TEN1: variants seen among roughly 807,000 people sequenced by gnomAD.
The protein encoded by TEN1 is TEN1 subunit of CST complex.
Under a neutral mutation model 9.3 loss-of-function variants are expected in TEN1, and 6 were observed. That is an observed-to-expected ratio of 0.65 (90% CI 0.35 to 1.27). The LOEUF is 1.27. Ranked by LOEUF, TEN1 falls within the 50% of genes most tolerant of loss-of-function variation. The probability of loss-of-function intolerance (pLI) is 0.03; values close to 1 mark genes in which losing one functional copy is unlikely to be tolerated. For synonymous variants in TEN1, 65 were observed against 65.6 expected, an observed-to-expected ratio of 0.99 and a Z score of 0.04; for missense variants, 149 against 158.2, an observed-to-expected ratio of 0.94 and a Z score of 0.31.
At chr17:75,988,256 A>G (rs1002829703) in intron 2 of TEN1, among the ~76,000 whole-genome samples, 10 of 150,818 alleles carry the variant, frequency 6.6e-5, no homozygotes, top group Admixed American at 6.6e-5. Context: ...AAAAAAAAAA[A>G]GAAGTATTTT....
intron 3 of TEN1, among the ~76,000 whole-genome samples, chr17:75,996,236 A>G (rs755931884): frequency 6.6e-6 from 1 of 152,164 alleles, no homozygotes; most frequent in East Asian, 1.9e-4. Context: ...CTGTAATCCC[A>G]GCACTTTGGG....
intron 1 of TEN1, among the ~76,000 whole-genome samples, chr17:75,983,691 CATT>C (rs2066136060): frequency 6.6e-6 from 1 of 152,116 alleles, no homozygotes; most frequent in Non-Finnish European, 1.5e-5. Flanking sequence ...AGAGATTAGA[CATT>C]ATTTAAATGT....
chr17:75,979,606 C>T (rs942036146), intron 1 of TEN1, 95 bp downstream of exon 1: 12 of 228,340 alleles, frequency 5.3e-5, no homozygotes, highest in Non-Finnish European at 9.8e-5. Context: ...CTCTGTCACG[C>T]TTCCGGGTCC....
intron 3 of TEN1, among the ~76,000 whole-genome samples, chr17:75,992,222 T>TA (rs1030229387): frequency 7.5e-6 from 1 of 133,548 alleles, no homozygotes; most frequent in Non-Finnish European, 1.7e-5. Flanking sequence ...ATCTGAGTCT[T>TA]AAAAATTTTT....
intron 3 of TEN1, among the ~76,000 whole-genome samples, chr17:75,998,262 G>A (rs1419443225): frequency 1.4e-5 from 2 of 147,450 alleles, no homozygotes; most frequent in South Asian, 2.2e-4. Context: ...CCACCTCCCC[G>A]GTTCAAGTGA....
chr17:75,999,134 C>G (rs1046780525), intron 3 of TEN1, among the ~76,000 whole-genome samples: 1 of 152,004 alleles, frequency 6.6e-6, no homozygotes, highest in African/African-American at 2.4e-5. Context: ...TCACTTGACC[C>G]CAGGAGTTTG....
intron 3 of TEN1, among the ~76,000 whole-genome samples, chr17:75,994,130 G>T (rs957162132): frequency 1.9e-4 from 29 of 151,136 alleles, no homozygotes; most frequent in East Asian, 6.0e-4. Flanking sequence ...TTTTTGTGGG[G>T]TTTTTTCTTA....
At chr17:75,989,131 G>C (rs747920999) in intron 2 of TEN1, among the ~76,000 whole-genome samples, 7 of 146,152 alleles carry the variant, frequency 4.8e-5, no homozygotes, top group Non-Finnish European at 7.5e-5. Flanking sequence ...ACAGAGCCTT[G>C]CTCTGTTGCC....
intron 3 of TEN1, among the ~76,000 whole-genome samples, chr17:75,993,474 T>C (rs539658425): frequency 2.6e-5 from 4 of 152,194 alleles, no homozygotes; most frequent in Non-Finnish European, 5.9e-5. Context: ...GTCATCACTT[T>C]AAAAGCCCTG....
intron 3 of TEN1, among the ~76,000 whole-genome samples, chr17:75,997,224 C>A (rs1237913613): frequency 6.6e-6 from 1 of 152,172 alleles, no homozygotes; most frequent in Non-Finnish European, 1.5e-5. Context: ...AGCCTCCACC[C>A]TCCTGGTTCT....
At chr17:75,992,960 T>G (rs8082422) in intron 3 of TEN1, among the ~76,000 whole-genome samples, 72,055 of 143,234 alleles carry the variant, frequency 0.5, 20,850 homozygotes, top group African/African-American at 0.84. Context: ...TTACTGCTGG[T>G]TTTTTTTTTT....
rs1013258063 is a variant in TEN1, at chr17:75,979,310, G to T, written c.-208G>T. 1 of 623,828 alleles carries T rather than the reference G, an allele frequency of 1.6e-6. No individual in the cohort carries two copies. Among genetic ancestry groups the T allele is most frequent in the African/African-American group, 1.8e-5 (1 of 54,740 alleles). 38.6% of individuals were successfully genotyped at this position (623,828 alleles called of 1,614,324 possible). Reference sequence around the variant, plus strand: ...CCGCGTCGTGGCTGGGGCCGGTCGCGGGGCAGACTAATCCCCTGCTCCTGG... The same window carrying T: ...CCGCGTCGTGGCTGGGGCCGGTCGCTGGGCAGACTAATCCCCTGCTCCTGG... On this transcript the variant is annotated 5_prime_UTR_variant, in exon 1 of 4. Coordinates refer to ENST00000397640, the MANE Select transcript of TEN1 (RefSeq NM_001113324.3).
At chr17:75,985,556 C>G (rs935016646) in intron 1 of TEN1, among the ~76,000 whole-genome samples, 1 of 152,184 alleles carries the variant, frequency 6.6e-6, no homozygotes, top group African/African-American at 2.4e-5. Context: ...CGGAGTCTCG[C>G]TCTTATTGCC....
At chr17:75,987,200 C>A (rs1567896240) in intron 2 of TEN1, among the ~76,000 whole-genome samples, 1 of 152,150 alleles carries the variant, frequency 6.6e-6, no homozygotes, top group Non-Finnish European at 1.5e-5. Flanking sequence ...CTGTTTGGAT[C>A]TGGCTCAGGG....
At chr17:75,997,868 T>C (rs2066226690) in intron 3 of TEN1, among the ~76,000 whole-genome samples, 1 of 151,822 alleles carries the variant, frequency 6.6e-6, no homozygotes. Context: ...TTTTTTTTTT[T>C]CCTGAGATGG....
chr17:75,991,525 A>G lies in TEN1; in HGVS notation c.152A>G (p.Asp51Gly). The G allele has an allele frequency of 6.4e-7, 1 of 1,552,300 alleles. No homozygotes were observed. Among genetic ancestry groups the G allele is most frequent in the Admixed American group, 2.0e-5 (1 of 50,986 alleles). The change falls in exon 3 of 4, where the codon GAT (aspartate) becomes GGT (glycine). Residue 51 changes from aspartate to glycine, a missense_variant. Asp to Gly is a moderately conservative substitution (Grantham distance 94). Coordinates refer to ENST00000397640, the MANE Select transcript of TEN1 (RefSeq NM_001113324.3). Reference sequence around the variant, plus strand: ...ACACTGATGGCTCAGCACGGATCCGATCAGCACCAGGTTCTTGTCTGTACC... The same window carrying G: ...ACACTGATGGCTCAGCACGGATCCGGTCAGCACCAGGTTCTTGTCTGTACC... The part of the protein sequence containing the change: ...RVTLMAQHGS[D>G]QHQVLVCTKL...
chr17:75,989,036 G>A (rs2066169485), intron 2 of TEN1, among the ~76,000 whole-genome samples: 2 of 152,136 alleles, frequency 1.3e-5, no homozygotes, highest in African/African-American at 4.8e-5. Flanking sequence ...CCCCCAAAGT[G>A]CTGGGATTAC....
At chr17:75,986,332 T>C in intron 2 of TEN1, 48 bp downstream of exon 2, 1 of 1,411,530 alleles carries the variant, frequency 7.1e-7, no homozygotes, top group Non-Finnish European at 9.6e-7. Flanking sequence ...ATATGTTAAA[T>C]GTCTTTCTCT....
At chr17:75,981,613 T>TA (rs913957668) in intron 1 of TEN1, among the ~76,000 whole-genome samples, 7 of 150,574 alleles carry the variant, frequency 4.6e-5, no homozygotes, top group Admixed American at 1.3e-4. Context: ...TTTTTTTTTT[T>TA]ACCTTCTGTC....
Sources: allele counts gnomAD v4.1 joint callset (sites outside exome capture counted in the v4.1 genomes callset), GRCh38; gene constraint gnomAD v4.1.1; transcripts MANE v1.5; gene names NCBI Gene and HGNC (gene_info 2026-07-23, HGNC 2026-07-21).